The following HS6ST2 variants were observed in gnomAD, a reference collection of about 807,000 sequenced individuals.
HS6ST2 encodes heparan-sulfate 6-O-sulfotransferase 2.
HS6ST2 carries 17 observed loss-of-function variants against 33.0 expected under a neutral mutation model. The observed-to-expected ratio is 0.52, with a 90% CI of 0.35 to 0.77. The LOEUF (loss-of-function observed/expected upper bound fraction) is 0.77. Ranked by LOEUF, HS6ST2 falls within the 30% of genes least tolerant of loss-of-function variation. The pLI, the probability that HS6ST2 is intolerant of heterozygous loss-of-function variation, is 0.01. For synonymous variants in HS6ST2, 248 were observed against 237.1 expected (o/e 1.05, Z -0.42); for missense variants, 519 against 551.7 (o/e 0.94, Z 0.59).
At chrX:132,819,422 T>C (rs2065430009) in intron 2 of HS6ST2, among the ~76,000 whole-genome samples, 1 of 111,238 alleles carries the variant, frequency 9.0e-6, no homozygotes. Context: ...GACAAAAAAA[T>C]TAAATACAAT....
intron 2 of HS6ST2, among the ~76,000 whole-genome samples, chrX:132,934,113 T>C (rs2066801577): frequency 9.0e-6 from 1 of 111,298 alleles, no homozygotes; most frequent in Non-Finnish European, 1.9e-5. Flanking sequence ...TAAATGCATA[T>C]TTACTCCCCT....
upstream of HS6ST2, among the ~76,000 whole-genome samples, chrX:132,959,968 G>A (rs1463008652): frequency 1.8e-5 from 2 of 111,851 alleles, no homozygotes; most frequent in Non-Finnish European, 3.8e-5. Flanking sequence ...AGACTTCTAC[G>A]TGCCCCCAAA....
rs756812937 is a variant in HS6ST2 at position 132,784,459 on chromosome X, G to A, written c.948-75965C>T. On this transcript the variant is annotated intron_variant, in intron 2 of 4. Transcript: ENST00000370833. Reference sequence around the variant, plus strand: ...CAAGTAGCTGGGATTACAGGCACACGCCACCACGCCTGGCTAGTTTTTGTA... The same window carrying A: ...CAAGTAGCTGGGATTACAGGCACACACCACCACGCCTGGCTAGTTTTTGTA... Among the ~76,000 whole-genome samples the A allele has an allele frequency of 8.9e-4, 99 of 111,189 alleles. 1 individual carries two copies. Among genetic ancestry groups the A allele is most frequent in the Admixed American group, 3.7e-3 (39 of 10,422 alleles).
At chrX:132,744,921 T>C (rs2064621933) in intron 2 of HS6ST2, among the ~76,000 whole-genome samples, 1 of 111,897 alleles carries the variant, frequency 8.9e-6, no homozygotes, top group South Asian at 3.7e-4. Context: ...ACTTTGGAGG[T>C]AACTTTTTTA....
chrX:132,679,723 C>T (rs2063953459), intron 3 of HS6ST2, among the ~76,000 whole-genome samples: 2 of 108,650 alleles, frequency 1.8e-5, no homozygotes, highest in African/African-American at 6.7e-5. Context: ...TTCACCCCTA[C>T]AGCCTCGACC....
chrX:132,734,758 G>A (rs765601467), intron 2 of HS6ST2, among the ~76,000 whole-genome samples: 1 of 112,832 alleles, frequency 8.9e-6, no homozygotes, highest in Non-Finnish European at 1.9e-5. Flanking sequence ...AGAAAGGCAG[G>A]AGCAAACAGC....
chrX:132,891,907 G>A (rs1277643178), intron 2 of HS6ST2, among the ~76,000 whole-genome samples: 2 of 111,368 alleles, frequency 1.8e-5, no homozygotes, highest in Non-Finnish European at 3.8e-5. Context: ...ACCCAGTAAT[G>A]GGATGGCTGG....
intron 4 of HS6ST2, among the ~76,000 whole-genome samples, chrX:132,637,929 T>TATATATAATATTTTATATATAATA (rs1468586230): frequency 3.1e-5 from 2 of 63,581 alleles, no homozygotes; most frequent in African/African-American, 6.1e-5. Flanking sequence ...TATATATATA[T>TATATATAATATTTTATATATAATA]TATATATAAT....
At position 132,800,215 on chromosome X, in the gene HS6ST2, G is replaced by A. The variant is rs186082270; in HGVS notation, c.948-91721C>T. Among the ~76,000 whole-genome samples the A allele has an allele frequency of 3.6e-5, 4 of 111,302 alleles. No homozygotes were observed. The East Asian group carries it at 1.1e-3, about 32-fold the overall frequency. On this transcript the variant is annotated intron_variant, in intron 2 of 4. Transcript: ENST00000370833. The stretch of plus-strand genomic sequence containing the variant: ...TCTGCCTCCAGTCAGATCAGTAGTG[G>A]CATTAGATTCTCATGGCAGTGCAAA...
intron 2 of HS6ST2, among the ~76,000 whole-genome samples, chrX:132,853,136 A>G (rs1047904535): frequency 3.6e-5 from 4 of 111,028 alleles, no homozygotes; most frequent in African/African-American, 1.3e-4. Context: ...CCCCATTTTC[A>G]GTTTTAAACA....
At chrX:132,762,990 G>A (rs753675760) in intron 2 of HS6ST2, among the ~76,000 whole-genome samples, 14 of 111,815 alleles carry the variant, frequency 1.3e-4, no homozygotes, top group Non-Finnish European at 2.4e-4. Context: ...GTAAAATGCC[G>A]ATGACAATAA....
At chrX:132,920,039 C>T (rs899554168) in intron 2 of HS6ST2, among the ~76,000 whole-genome samples, 3 of 111,517 alleles carry the variant, frequency 2.7e-5, no homozygotes, top group African/African-American at 9.8e-5. Context: ...GTCAACAGAG[C>T]TCAGCATTCT....
chrX:132,858,624 G>A (rs758853048), intron 2 of HS6ST2, among the ~76,000 whole-genome samples: 17 of 112,073 alleles, frequency 1.5e-4, no homozygotes, highest in South Asian at 7.7e-4. Flanking sequence ...GTTAGCATAT[G>A]TGAGATAAGA....
chrX:132,817,496 C>G (rs2065405590), intron 2 of HS6ST2, among the ~76,000 whole-genome samples: 1 of 111,009 alleles, frequency 9.0e-6, no homozygotes, highest in South Asian at 3.8e-4. Flanking sequence ...TTTGCCAAGC[C>G]ATTTGTCTTT....
intron 3 of HS6ST2, among the ~76,000 whole-genome samples, chrX:132,698,490 C>T (rs1299960748): frequency 8.9e-6 from 1 of 111,932 alleles, no homozygotes; most frequent in Non-Finnish European, 1.9e-5. Flanking sequence ...AGCCCTTTCA[C>T]TGCCTTTAAA....
At chrX:132,960,533 C>T (rs192133405), upstream of HS6ST2, among the ~76,000 whole-genome samples, 15 of 103,733 alleles carry the variant, frequency 1.4e-4, no homozygotes, top group East Asian at 4.5e-3. Context: ...CAAGAAAGTG[C>T]CTTGGGTGGA....
intron 2 of HS6ST2, among the ~76,000 whole-genome samples, chrX:132,922,863 G>T (rs945922193): frequency 3.9e-4 from 43 of 110,896 alleles, no homozygotes; most frequent in Non-Finnish European, 6.0e-4. Context: ...AGGAATTTGA[G>T]ACCAGTCTAC....
intron 2 of HS6ST2, among the ~76,000 whole-genome samples, chrX:132,840,242 T>G (rs765393684): frequency 3.6e-5 from 4 of 112,022 alleles, no homozygotes; most frequent in African/African-American, 1.3e-4. Flanking sequence ...TTTGATATTA[T>G]ACCCACAAAG....
intron 2 of HS6ST2, among the ~76,000 whole-genome samples, chrX:132,825,572 T>G (rs1007143372): frequency 8.1e-5 from 9 of 111,688 alleles, no homozygotes; most frequent in Non-Finnish European, 1.7e-4. Flanking sequence ...ATTCAAAATT[T>G]TGCTAGGCCA....
Sources: allele counts gnomAD v4.1 joint callset (sites outside exome capture counted in the v4.1 genomes callset), GRCh38; gene constraint gnomAD v4.1.1; transcripts MANE v1.5; gene names NCBI Gene and HGNC (gene_info 2026-07-23, HGNC 2026-07-21).